The following DNAH7 variants were observed in gnomAD, a reference collection of about 807,000 sequenced individuals.
DNAH7 encodes dynein axonemal heavy chain 7, also known as axonemal beta dynein heavy chain 7.
DNAH7 carries 397 observed loss-of-function variants against 444.6 expected under a neutral mutation model. The observed-to-expected ratio is 0.89, with a 90% CI of 0.82 to 0.97. The LOEUF is 0.97. Ranked by LOEUF, DNAH7 falls within the 50% of genes least tolerant of loss-of-function variation. The probability of loss-of-function intolerance (pLI) is 0.00; values close to 1 mark genes in which losing one functional copy is unlikely to be tolerated. For missense variants in DNAH7, 4,902 were observed against 4,800.8 expected (o/e 1.02, Z -0.62); for synonymous variants, 1,636 against 1,624.4 (o/e 1.01, Z -0.17).
chr2:195,909,879 T>A, intron 25 of DNAH7, 148 bp downstream of exon 25: 1 of 798,176 alleles, frequency 1.3e-6, no homozygotes, highest in South Asian at 2.1e-5. Context: ...TAACCTTATT[T>A]CCTTTAAGAA....
chr2:195,847,656 A>T (rs1013724017), intron 46 of DNAH7, among the ~76,000 whole-genome samples: 2 of 152,102 alleles, frequency 1.3e-5, no homozygotes, highest in African/African-American at 4.8e-5. Flanking sequence ...TAAAAAAAAA[A>T]CAAAAAAAAC....
intron 38 of DNAH7, among the ~76,000 whole-genome samples, chr2:195,873,961 C>T (rs1346592839): frequency 6.6e-6 from 1 of 152,104 alleles, no homozygotes; most frequent in African/African-American, 2.4e-5. Flanking sequence ...GGAAATCAGA[C>T]CAGGCAGAAA....
chr2:195,985,644 G>C (rs1286257961), intron 14 of DNAH7, among the ~76,000 whole-genome samples: 4 of 152,140 alleles, frequency 2.6e-5, no homozygotes, highest in Non-Finnish European at 5.9e-5. Flanking sequence ...TCCATCCTAG[G>C]GAGTCTGGTG....
chr2:195,972,309 C>A lies in DNAH7; in HGVS notation c.1991G>T (p.Gly664Val), dbSNP rs368986561. 5.0e-6 allele frequency: 8 copies of A among 1,613,952 alleles called. No homozygotes were observed. The highest frequency in any genetic ancestry group is 5.9e-6 in the Non-Finnish European group (7 of 1,179,992). Residue 664 changes from glycine (G) to valine (V), a missense_variant, in exon 16 of 65, where the codon GGA (glycine) becomes GTA (valine). Coordinates refer to ENST00000312428, the MANE Select transcript of DNAH7 (RefSeq NM_018897.3). ...NSVFQWYGRM[G>V]EIFEEHRKII... ...TTTCCTGTGTTCTTCAAAAATTTCT[C>A]CCATCCTTCCATACCACTGGAAAAC...
At chr2:196,026,723 T>A in intron 7 of DNAH7, 37 bp downstream of exon 7, 1 of 1,417,716 alleles carries the variant, frequency 7.1e-7, no homozygotes, top group East Asian at 2.3e-5. Flanking sequence ...ATGAGACACA[T>A]ATTTGAATTA....
chr2:195,773,463 G>T (rs565414519), intron 60 of DNAH7, among the ~76,000 whole-genome samples: 1 of 133,340 alleles, frequency 7.5e-6, no homozygotes. Context: ...TTCAAAAAAC[G>T]TAAAAAAAAA....
chr2:195,844,798 G>A (rs1316572132), intron 47 of DNAH7, among the ~76,000 whole-genome samples: 1 of 151,996 alleles, frequency 6.6e-6, no homozygotes, highest in South Asian at 2.1e-4. Flanking sequence ...CAAGTCATCT[G>A]GTTCATTTGT....
At chr2:196,008,618 T>C (rs1194983883) in intron 10 of DNAH7, among the ~76,000 whole-genome samples, 5 of 152,246 alleles carry the variant, frequency 3.3e-5, no homozygotes, top group African/African-American at 9.6e-5. Context: ...TATGACATAT[T>C]GATACATGCT....
chr2:195,957,200 G>A (rs981684691), intron 19 of DNAH7, 61 bp downstream of exon 19: 4 of 1,384,370 alleles, frequency 2.9e-6, no homozygotes, highest in Non-Finnish European at 3.8e-6. Context: ...ATGGATTTCT[G>A]AAAACAAAAA....
chr2:196,039,080 T>C (rs1268016207), intron 5 of DNAH7, among the ~76,000 whole-genome samples: 1 of 152,156 alleles, frequency 6.6e-6, no homozygotes, highest in Non-Finnish European at 1.5e-5. Context: ...AAATATGCAT[T>C]CTTCTCATCA....
intron 5 of DNAH7, among the ~76,000 whole-genome samples, chr2:196,039,814 AG>A (rs1275586426): frequency 1.3e-5 from 2 of 151,792 alleles, no homozygotes; most frequent in African/African-American, 4.8e-5. Context: ...GACAAAAAAA[AG>A]ATTTCAAAAT....
intron 54 of DNAH7, among the ~76,000 whole-genome samples, chr2:195,802,714 T>C (rs6434800): frequency 0.96 from 146,735 of 152,180 alleles, 70,955 homozygotes; most frequent in East Asian, 1. Context: ...AAAACAAAAA[T>C]TTTGTATAAA....
intron 15 of DNAH7, among the ~76,000 whole-genome samples, chr2:195,975,634 G>A (rs964599032): frequency 6.6e-6 from 1 of 152,148 alleles, no homozygotes; most frequent in Admixed American, 6.5e-5. Context: ...AGGCAGCACA[G>A]CTCACTGCTC....
intron 24 of DNAH7, among the ~76,000 whole-genome samples, chr2:195,920,186 T>C (rs967366210): frequency 3.9e-5 from 6 of 152,112 alleles, no homozygotes; most frequent in African/African-American, 1.4e-4. Context: ...GCCATGGTCA[T>C]ACTTCACAGA....
Position 195,895,222 on chromosome 2 carries a change from T to C in DNAH7, c.4650A>G (p.Gly1550=). ...FLSHDLPLFE[G]ITSDLFPGVK... Reference sequence around the variant, plus strand: ...CCCCAGGAAACAAATCCGAAGTAATTCCCTGATGATAGATGATTTGAAGGA... The same window carrying C: ...CCCCAGGAAACAAATCCGAAGTAATCCCCTGATGATAGATGATTTGAAGGA... Residue 1550 remains glycine, a splice_region_variant and synonymous_variant, in exon 30 of 65, where the codon GGA becomes GGG. Coordinates refer to ENST00000312428, the MANE Select transcript of DNAH7 (RefSeq NM_018897.3). The C allele has an allele frequency of 1.3e-6, 2 of 1,595,762 alleles. No individual in the cohort carries two copies. Among genetic ancestry groups the C allele is most frequent in the Non-Finnish European group, 1.7e-6 (2 of 1,166,374 alleles).
intron 1 of DNAH7, among the ~76,000 whole-genome samples, chr2:196,059,946 T>C (rs551569660): frequency 6.6e-6 from 1 of 152,300 alleles, no homozygotes; most frequent in South Asian, 2.1e-4. Context: ...CTGGGCGCAG[T>C]GGCTCATGCC....
intron 36 of DNAH7, among the ~76,000 whole-genome samples, chr2:195,877,982 C>A (rs1478563166): frequency 6.6e-6 from 1 of 151,996 alleles, no homozygotes; most frequent in Non-Finnish European, 1.5e-5. Flanking sequence ...ATTAAAATTT[C>A]TTTTATGATT....
At chr2:195,796,233 C>T (rs1246742293) in intron 56 of DNAH7, among the ~76,000 whole-genome samples, 1 of 152,178 alleles carries the variant, frequency 6.6e-6, no homozygotes, top group Non-Finnish European at 1.5e-5. Flanking sequence ...CTTGAACAGT[C>T]CTCCTTGGTT....
intron 49 of DNAH7, among the ~76,000 whole-genome samples, chr2:195,820,838 G>A (rs1395817050): frequency 6.6e-6 from 1 of 152,168 alleles, no homozygotes; most frequent in Non-Finnish European, 1.5e-5. Flanking sequence ...CTACCTACAT[G>A]TAGCAGATTA....
Sources: gnomAD v4.1 joint callset for allele counts (sites outside exome capture counted in the v4.1 genomes callset) on GRCh38, gnomAD v4.1.1 for gene constraint, MANE v1.5 for transcripts, NCBI Gene and HGNC (gene_info 2026-07-23, HGNC 2026-07-21) for gene names.